The following SASS6 variants were observed in gnomAD, a reference collection of about 807,000 sequenced individuals.
The protein encoded by SASS6 is spindle assembly abnormal protein 6 homolog.
A neutral mutation model predicts 94.9 loss-of-function variants in SASS6; 59 were observed. The ratio of observed to expected loss-of-function variants is 0.62; its 90% CI spans 0.50 to 0.77. The LOEUF (loss-of-function observed/expected upper bound fraction) is 0.77, where lower values mean the gene tolerates loss of function less well. Among genes scored for constraint, SASS6 ranks in the 30% least tolerant of loss-of-function variants. SASS6 has a pLI of 0.00. For synonymous variants in SASS6, 264 were observed against 270.0 expected (o/e 0.98, Z 0.22); for missense variants, 698 against 734.1 (o/e 0.95, Z 0.57).
At chr1:100,121,273 C>T (rs1044134056) in intron 5 of SASS6, 105 bp downstream of exon 5, 1 of 652,360 alleles carries the variant, frequency 1.5e-6, no homozygotes, top group Non-Finnish European at 2.5e-6. Context: ...TTTCATAAAA[C>T]TTTATTTAGA....
chr1:100,088,259 A>C, intron 14 of SASS6, 23 bp from the exon 15 acceptor site: 681 of 1,150,744 alleles, frequency 5.9e-4, no homozygotes, highest in Middle Eastern at 1.0e-3. Context: ...AAAACATCTC[A>C]TGTAACTGAG....
chr1:100,104,781 GT>G (rs1437178117), intron 13 of SASS6, among the ~76,000 whole-genome samples: 1 of 137,786 alleles, frequency 7.3e-6, no homozygotes, highest in Non-Finnish European at 1.5e-5. Context: ...TTTTTCTCAG[GT>G]TAAAAAAAAA....
intron 4 of SASS6, among the ~76,000 whole-genome samples, chr1:100,121,966 C>A (rs1654232767): frequency 6.6e-6 from 1 of 152,104 alleles, no homozygotes; most frequent in African/African-American, 2.4e-5. Flanking sequence ...TATACAGAAG[C>A]ATCATTTTGT....
At chr1:100,112,029 C>T (rs1342986582) in intron 7 of SASS6, among the ~76,000 whole-genome samples, 5 of 151,950 alleles carry the variant, frequency 3.3e-5, no homozygotes, top group Admixed American at 6.6e-5. Context: ...ACATTTTCTA[C>T]TTTGTTCCCT....
intron 1 of SASS6, among the ~76,000 whole-genome samples, chr1:100,132,269 G>C (rs1459607651): frequency 2.0e-5 from 3 of 152,140 alleles, no homozygotes; most frequent in Non-Finnish European, 4.4e-5. Context: ...GATGTGAAGA[G>C]CCAAAGTACG....
At chr1:100,096,267 G>A (rs1652092613) in intron 14 of SASS6, among the ~76,000 whole-genome samples, 1 of 152,112 alleles carries the variant, frequency 6.6e-6, no homozygotes, top group South Asian at 2.1e-4. Flanking sequence ...TTCAACAAAG[G>A]TGCTTAGACA....
intron 7 of SASS6, among the ~76,000 whole-genome samples, chr1:100,113,727 T>A (rs1653569760): frequency 6.6e-6 from 1 of 150,426 alleles, no homozygotes; most frequent in African/African-American, 2.4e-5. Context: ...AATGAAAAAC[T>A]AGTTCTTCGA....
intron 14 of SASS6, among the ~76,000 whole-genome samples, chr1:100,092,808 C>T (rs1651825912): frequency 6.6e-6 from 1 of 152,100 alleles, no homozygotes; most frequent in East Asian, 1.9e-4. Flanking sequence ...ATCTCCTGAC[C>T]TTGTGATCCA....
In SASS6 at chr1:100,093,174, C is replaced by CTTTTTT. The variant is rs909537970; in HGVS notation, c.1675-4944_1675-4939dup. On this transcript the variant is annotated intron_variant, in intron 14 of 16. Transcript: ENST00000287482. Reference sequence around the variant, plus strand: ...ACAAAAACAGAATACCTATTGTTTTCTTTTTTTTTTTTTTTTTTTTTTTTG... The same window carrying CTTTTTT: ...ACAAAAACAGAATACCTATTGTTTTCTTTTTTTTTTTTTTTTTTTTTTTTTTTTTTG... Among the ~76,000 whole-genome samples, 58 of 87,410 alleles carry CTTTTTT rather than the reference C, an allele frequency of 6.6e-4. 1 individual carries two copies. The highest frequency in any genetic ancestry group is 8.7e-4 in the South Asian group (2 of 2,286). 57.3% of individuals were successfully genotyped at this position (87,410 alleles called of 152,430 possible). A position where few individuals can be genotyped will look rare whatever the true frequency, so the allele number is the denominator to read the frequency against.
chr1:100,085,146 C>A lies in SASS6; in HGVS notation c.*182G>T. On this transcript the variant is annotated 3_prime_UTR_variant, in exon 17 of 17. Coordinates refer to ENST00000287482, the MANE Select transcript of SASS6 (RefSeq NM_194292.3). ...TCATTTACTCACAATCTTTACCAAT[C>A]CCCAAGTACAAATTTGTTCCTATAT... The A allele has an allele frequency of 1.9e-6, 1 of 536,396 alleles. No homozygotes were observed. Among genetic ancestry groups the A allele is most frequent in the Non-Finnish European group, 3.3e-6 (1 of 299,562 alleles). 33.2% of individuals were successfully genotyped at this position (536,396 alleles called of 1,614,324 possible). A position where few individuals can be genotyped will look rare whatever the true frequency, so the allele number is the denominator to read the frequency against.
intron 11 of SASS6, 64 bp downstream of exon 11, chr1:100,107,310 A>G: frequency 1.0e-6 from 1 of 1,004,036 alleles, no homozygotes; most frequent in East Asian, 2.5e-5. Context: ...AATGTAACAA[A>G]GCATAAATTT....
At chr1:100,089,998 T>C (rs1651565968) in intron 14 of SASS6, among the ~76,000 whole-genome samples, 1 of 152,042 alleles carries the variant, frequency 6.6e-6, no homozygotes. Flanking sequence ...ATTGTAACAG[T>C]CTTATTTTAC....
rs182814771 is a variant in SASS6 at position 100,085,508 on chromosome 1, G to A, written c.1867+28C>T. On this transcript the variant is annotated intron_variant, in intron 16 of 16. Transcript: ENST00000287482. ...ACATTAAATTTAATTCAACTATAAAGTACAAAAATCCAGAAATCCCTGCTT... is the reference window on the plus strand; with the variant it reads ...ACATTAAATTTAATTCAACTATAAAATACAAAAATCCAGAAATCCCTGCTT... The A allele has an allele frequency of 1.6e-5, 25 of 1,585,012 alleles. No homozygotes were observed. In the East Asian group the frequency reaches 5.4e-4, roughly 34 times the overall value.
At chr1:100,113,029 A>T (rs1653461878) in intron 7 of SASS6, among the ~76,000 whole-genome samples, 1 of 152,170 alleles carries the variant, frequency 6.6e-6, no homozygotes, top group Non-Finnish European at 1.5e-5. Context: ...AAATACAAAC[A>T]AATCCTTCAG....
chr1:100,123,903 G>A (rs574211528), intron 2 of SASS6, among the ~76,000 whole-genome samples: 132 of 152,268 alleles, frequency 8.7e-4, no homozygotes, highest in African/African-American at 2.9e-3. Context: ...AGGTAGCTAC[G>A]TGTACATAGT....
Position 100,132,826 on chromosome 1 carries a change from G to A in SASS6, c.-12C>T. On this transcript the variant is annotated 5_prime_UTR_variant, in exon 1 of 17. Transcript: ENST00000287482. ...AGCACTTGGCTCATGTTGGCTCGCTGCCTCGGCTGGTGTGCAGAAAAGCCC... is the reference window on the plus strand; with the variant it reads ...AGCACTTGGCTCATGTTGGCTCGCTACCTCGGCTGGTGTGCAGAAAAGCCC... The A allele has an allele frequency of 6.2e-7, 1 of 1,613,284 alleles. No homozygotes were observed. The highest frequency in any genetic ancestry group is 1.3e-5 in the African/African-American group (1 of 75,056).
chr1:100,094,311 G>C (rs2101645456), intron 14 of SASS6, among the ~76,000 whole-genome samples: 1 of 152,094 alleles, frequency 6.6e-6, no homozygotes, highest in African/African-American at 2.4e-5. Context: ...ATTCACAGCT[G>C]AAAAAAGCCT....
intron 14 of SASS6, among the ~76,000 whole-genome samples, chr1:100,093,692 G>A (rs1651917946): frequency 6.6e-6 from 1 of 152,040 alleles, no homozygotes. Flanking sequence ...AACCCAGGAG[G>A]TGAGGCTGCA....
At chr1:100,101,881 C>T (rs1652522299) in intron 14 of SASS6, among the ~76,000 whole-genome samples, 1 of 152,198 alleles carries the variant, frequency 6.6e-6, no homozygotes, top group Non-Finnish European at 1.5e-5. Context: ...CTAAGCAACA[C>T]AGCCAACTTA....
Sources: gnomAD v4.1 joint callset for allele counts (sites outside exome capture counted in the v4.1 genomes callset) on GRCh38, gnomAD v4.1.1 for gene constraint, MANE v1.5 for transcripts, NCBI Gene and HGNC (gene_info 2026-07-23, HGNC 2026-07-21) for gene names.